GET1: variants seen among roughly 807,000 people sequenced by gnomAD.
GET1 encodes the protein guided entry of tail-anchored proteins factor 1, also known as congenital heart disease 5 protein.
GET1 carries 20 observed loss-of-function variants against 22.6 expected under a neutral mutation model. The observed-to-expected ratio is 0.89, with a 90% confidence interval of 0.62 to 1.29. GET1 has a LOEUF of 1.29. GET1 is among the 50% of genes most tolerant of loss of function. The probability of loss-of-function intolerance (pLI) is 0.00; values close to 1 mark genes in which losing one functional copy is unlikely to be tolerated. For synonymous variants in GET1, 92 were observed against 83.8 expected (o/e 1.10, Z -0.53); for missense variants, 209 against 219.9 (o/e 0.95, Z 0.31).
intron 1 of GET1, chr21:39,387,881 G>GA (rs1214176019): frequency 1.1e-5 from 10 of 912,502 alleles, no homozygotes; most frequent in Non-Finnish European, 1.3e-5. Flanking sequence ...GAGGGGGGGG[G>GA]ATCTGATTTA....
downstream of GET1, chr21:39,410,405 T>C (rs867037305): frequency 8.9e-6 from 9 of 1,013,850 alleles, 1 homozygote; most frequent in Middle Eastern, 1.7e-3. Context: ...AAACATATTT[T>C]ACATTTGGAT....
chr21:39,428,172 C>G, intron 1 of GET1: 1 of 1,558,448 alleles, frequency 6.4e-7, no homozygotes, highest in Non-Finnish European at 8.7e-7. Context: ...TACTCCTTAC[C>G]TTTAGATTGG....
chr21:39,390,659 G>T, intron 1 of GET1, 39 bp from the exon 2 acceptor site: 4 of 1,610,426 alleles, frequency 2.5e-6, no homozygotes, highest in Non-Finnish European at 3.4e-6. Flanking sequence ...CCTGTGACCC[G>T]TGTTGGAAGG....
At chr21:39,381,375 A>G (rs1014051136) in intron 1 of GET1, among the ~76,000 whole-genome samples, 1 of 152,146 alleles carries the variant, frequency 6.6e-6, no homozygotes, top group Non-Finnish European at 1.5e-5. Context: ...CTTGGAAAAC[A>G]GTTCTTGCTT....
At chr21:39,384,386 A>T (rs147950627) in intron 1 of GET1, among the ~76,000 whole-genome samples, 1,813 of 151,832 alleles carry the variant, frequency 0.012, 64 homozygotes, top group Admixed American at 0.07. Context: ...CCTCCCGAGT[A>T]GCTGGGATTA....
At chr21:39,412,767 T>C (rs1420947579) in intron 1 of GET1, among the ~76,000 whole-genome samples, 1 of 152,150 alleles carries the variant, frequency 6.6e-6, no homozygotes, top group African/African-American at 2.4e-5. Flanking sequence ...CCAGGAAAAT[T>C]GCAAGCCCCT....
chr21:39,394,921 T>C (rs961683948), intron 4 of GET1, among the ~76,000 whole-genome samples: 3 of 152,138 alleles, frequency 2.0e-5, no homozygotes, highest in Non-Finnish European at 4.4e-5. Flanking sequence ...TTGCCCAGGC[T>C]GGCAGTGGCA....
At chr21:39,406,283 G>T in exon 5 of GET1, 1 of 1,614,210 alleles carries the variant, frequency 6.2e-7, no homozygotes, top group Non-Finnish European at 8.5e-7. Flanking sequence ...CCTGAAGCAG[G>T]AAGCCCATGA....
At chr21:39,415,557 T>C (rs1269493502) in intron 1 of GET1, among the ~76,000 whole-genome samples, 1 of 152,118 alleles carries the variant, frequency 6.6e-6, no homozygotes, top group Admixed American at 6.5e-5. Flanking sequence ...GGGTATCCCT[T>C]TTAAAACCTA....
intron 4 of GET1, among the ~76,000 whole-genome samples, chr21:39,394,047 C>A (rs1352068334): frequency 6.6e-6 from 1 of 152,060 alleles, no homozygotes; most frequent in Non-Finnish European, 1.5e-5. Context: ...TTAAAAATCC[C>A]AGCTGGGTGC....
Position 39,393,299 on chromosome 21 carries a change from A to C in GET1, c.451+19A>C, listed in dbSNP as rs759720173. 9 of 1,587,946 alleles carry C rather than the reference A, an allele frequency of 5.7e-6. No individual in the cohort carries two copies. The highest frequency in any genetic ancestry group is 7.8e-6 in the Non-Finnish European group (9 of 1,156,390). On this transcript the variant is annotated intron_variant, in intron 4 of 4. Coordinates refer to ENST00000649170, the MANE Select transcript of GET1 (RefSeq NM_004627.6). Reference sequence around the variant, plus strand: ...GTAGCAGGTAAGAATTTTCTGGAAGATGCAGTGGAAGAGTGTGAATAGGCT... The same window carrying C: ...GTAGCAGGTAAGAATTTTCTGGAAGCTGCAGTGGAAGAGTGTGAATAGGCT...
At chr21:39,395,200 G>A (rs2038559539) in intron 4 of GET1, among the ~76,000 whole-genome samples, 1 of 152,034 alleles carries the variant, frequency 6.6e-6, no homozygotes, top group South Asian at 2.1e-4. Context: ...ATTTTCAGTA[G>A]CTGTTCTTCA....
intron 4 of GET1, among the ~76,000 whole-genome samples, chr21:39,395,223 A>T (rs1305636625): frequency 6.6e-6 from 1 of 151,834 alleles, no homozygotes; most frequent in East Asian, 1.9e-4. Flanking sequence ...TAGATATCTC[A>T]TTTGCAGATT....
chr21:39,396,544 AGGTGT>A (rs993834726), intron 4 of GET1, among the ~76,000 whole-genome samples: 2 of 140,686 alleles, frequency 1.4e-5, no homozygotes, highest in African/African-American at 5.4e-5. Context: ...AAAATTAGCC[AGGTGT>A]GGTGGTGCAC....
intron 4 of GET1, among the ~76,000 whole-genome samples, chr21:39,395,551 A>T (rs1007088946): frequency 1.3e-5 from 2 of 151,938 alleles, no homozygotes; most frequent in Non-Finnish European, 2.9e-5. Context: ...TTTAGTAGAG[A>T]CAGGGTTTCA....
Position 39,390,721 on chromosome 21 carries a change from C to A in GET1, c.126C>A (p.Asp42Glu). Residue 42 changes from aspartate to glutamate, a missense_variant, in exon 2 of 5, where the codon GAC becomes GAA. Asp to Glu is a conservative substitution (Grantham distance 45). Coordinates refer to ENST00000649170, the MANE Select transcript of GET1 (RefSeq NM_004627.6). Reference protein sequence around the residue: ...SSFMSRVLQKDAEQESQMRAE... With the variant: ...SSFMSRVLQKEAEQESQMRAE... ...AGATGTCCAGGGTGCTGCAGAAGGACGCGGAGCAGGAGTCACAGATGAGAG... is the reference window on the plus strand; with the variant it reads ...AGATGTCCAGGGTGCTGCAGAAGGAAGCGGAGCAGGAGTCACAGATGAGAG... 6.2e-7 allele frequency: 1 copy of A among 1,614,114 alleles called. No homozygotes were observed. The highest frequency in any genetic ancestry group is 1.7e-5 in the Admixed American group (1 of 60,012).
downstream of GET1, chr21:39,410,433 CAT>C (rs1310021735): frequency 2.0e-5 from 17 of 833,804 alleles, no homozygotes; most frequent in African/African-American, 5.2e-5. Context: ...TGATTTTAAA[CAT>C]AAAATAACTT....
chr21:39,419,529 A>AG (rs1555897304), intron 1 of GET1, among the ~76,000 whole-genome samples: 1 of 147,276 alleles, frequency 6.8e-6, no homozygotes, highest in Non-Finnish European at 1.5e-5. Flanking sequence ...TGTTCAAAAA[A>AG]AAAAAAGAAA....
At chr21:39,407,937 TG>T (rs1461304693), downstream of GET1, 1 of 152,230 alleles carries the variant, frequency 6.6e-6, no homozygotes, top group Non-Finnish European at 1.5e-5. Flanking sequence ...GTCAAACTAC[TG>T]TGTTATTTAA....
Sources: allele counts gnomAD v4.1 joint callset (sites outside exome capture counted in the v4.1 genomes callset), GRCh38; gene constraint gnomAD v4.1.1; transcripts MANE v1.5; gene names NCBI Gene and HGNC (gene_info 2026-07-23, HGNC 2026-07-21).